The following KIF6 variants were observed in gnomAD, a reference collection of about 807,000 sequenced individuals.
The protein encoded by KIF6 is kinesin family member 6.
KIF6 carries 106 observed loss-of-function variants against 112.7 expected under a neutral mutation model. That is an observed-to-expected ratio of 0.94 (90% CI 0.80 to 1.11). The LOEUF is 1.11. Ranked by LOEUF, KIF6 falls within the 50% of genes least tolerant of loss-of-function variation. KIF6 has a pLI of 0.00. For synonymous variants in KIF6, 339 were observed against 339.9 expected, an observed-to-expected ratio of 1.00 and a Z score of 0.03; for missense variants, 929 against 964.0, an observed-to-expected ratio of 0.96 and a Z score of 0.48.
rs1207344740 is a variant in KIF6, at chr6:39,378,635, G to C, written c.1861+6987C>G. ...ACAACCCCCCAGGGCCACTCCTTCT[G>C]GTAAGAACGGGAAGTTCTCATGGCC... is the stretch of plus-strand genomic sequence containing the variant. On this transcript the variant is annotated intron_variant, in intron 16 of 22. Coordinates refer to ENST00000287152, the MANE Select transcript of KIF6 (RefSeq NM_145027.6). The surrounding 1 kb of genome is among the most constrained non-coding windows in gnomAD (Gnocchi z 5.0). Among the ~76,000 whole-genome samples, 4 of 152,122 alleles carry C rather than the reference G, an allele frequency of 2.6e-5. No homozygotes were observed. The highest frequency in any genetic ancestry group is 9.7e-5 in the African/African-American group (4 of 41,402).
At position 39,610,861 on chromosome 6, in the gene KIF6, T is replaced by C. The variant is rs185977235; in HGVS notation, c.639+2328A>G. ...AAGCACAGAAGCAACCAAAACCTAT[T>C]AGACTTGGTTTTTTAAATAAAACAG... On this transcript the variant is annotated intron_variant, in intron 6 of 22. Coordinates refer to ENST00000287152, the MANE Select transcript of KIF6 (RefSeq NM_145027.6). Among the ~76,000 whole-genome samples the C allele has an allele frequency of 2.4e-3, 361 of 152,296 alleles. 2 individuals are homozygous for C. In the Middle Eastern group the frequency reaches 0.027, roughly 11 times the overall value.
chr6:39,466,328 A>G (rs1773787101), intron 13 of KIF6, among the ~76,000 whole-genome samples: 1 of 152,182 alleles, frequency 6.6e-6, no homozygotes. Flanking sequence ...ATGGTTTCTG[A>G]GCTTCAAGCA....
At chr6:39,490,675 A>G (rs933996737) in intron 13 of KIF6, among the ~76,000 whole-genome samples, 1 of 152,210 alleles carries the variant, frequency 6.6e-6, no homozygotes, top group African/African-American at 2.4e-5. Context: ...TAGGATTAAT[A>G]TGGTGTATTC....
chr6:39,654,890 G>A (rs945169611), intron 3 of KIF6, among the ~76,000 whole-genome samples: 9 of 152,072 alleles, frequency 5.9e-5, no homozygotes, highest in Admixed American at 3.9e-4. Flanking sequence ...TAAATGTATC[G>A]TTTATTTAAC....
chr6:39,369,737 G>T (rs1255093927), intron 16 of KIF6, among the ~76,000 whole-genome samples: 1 of 152,148 alleles, frequency 6.6e-6, no homozygotes, highest in Non-Finnish European at 1.5e-5. Flanking sequence ...AGACCCTAGG[G>T]CCATACACCA....
chr6:39,434,796 C>G (rs372864776), intron 13 of KIF6, among the ~76,000 whole-genome samples: 1 of 151,960 alleles, frequency 6.6e-6, no homozygotes, highest in Non-Finnish European at 1.5e-5. Flanking sequence ...CAGCATTTCC[C>G]AGGTAGAGAA....
rs780284536 is a variant in KIF6 at position 39,545,614 on chromosome 6, C to T, written c.1256G>A (p.Arg419His). The T allele has an allele frequency of 3.3e-5, 54 of 1,612,754 alleles. No individual in the cohort carries two copies. The highest frequency in any genetic ancestry group is 1.4e-4 in the South Asian group (13 of 91,034). The change falls in exon 11 of 23, where the codon CGT becomes CAT. Residue 419 changes from arginine to histidine, a missense_variant. Physicochemically the swap from Arg to His is conservative, Grantham distance 29. This residue lies in a region of KIF6 where 688 missense variants were observed against 662.7 expected (regional missense o/e 1.04). Coordinates refer to ENST00000287152, the MANE Select transcript of KIF6 (RefSeq NM_145027.6). ...ATGATGAAAACAGTGATGAACTTTACGCATATCCGCGCCAACCTCTAATCT... is the reference window on the plus strand; with the variant it reads ...ATGATGAAAACAGTGATGAACTTTATGCATATCCGCGCCAACCTCTAATCT... ...DSRLEVGADM[R>H]KVHHCFHHLK...
chr6:39,404,533 T>C (rs9471091), intron 15 of KIF6, among the ~76,000 whole-genome samples: 1,655 of 152,376 alleles, frequency 0.011, 26 homozygotes, highest in Middle Eastern at 0.02. Context: ...TCTACATATC[T>C]ATTCTTTTGC....
chr6:39,337,394 C>G (rs959683518), intron 22 of KIF6, among the ~76,000 whole-genome samples: 12 of 151,262 alleles, frequency 7.9e-5, no homozygotes, highest in Non-Finnish European at 1.8e-4. Flanking sequence ...CTCACTGCAA[C>G]CTCTGCCTCC....
intron 3 of KIF6, among the ~76,000 whole-genome samples, chr6:39,672,396 ATAC>A (rs1191188331): frequency 6.6e-6 from 1 of 152,218 alleles, no homozygotes; most frequent in East Asian, 1.9e-4. Context: ...GACTTAATGA[ATAC>A]TACTACTAAT....
intron 7 of KIF6, among the ~76,000 whole-genome samples, chr6:39,594,042 C>A (rs542199349): frequency 6.6e-6 from 1 of 152,168 alleles, no homozygotes; most frequent in South Asian, 2.1e-4. Flanking sequence ...CATGGTAGGT[C>A]ATTATAAATA....
At chr6:39,621,814 T>C (rs973962054) in intron 5 of KIF6, among the ~76,000 whole-genome samples, 1 of 152,314 alleles carries the variant, frequency 6.6e-6, no homozygotes, top group South Asian at 2.1e-4. Context: ...AAATTTTTGC[T>C]AATATTTTAG....
chr6:39,473,615 T>C (rs1774261062), intron 13 of KIF6, among the ~76,000 whole-genome samples: 1 of 152,196 alleles, frequency 6.6e-6, no homozygotes, highest in Non-Finnish European at 1.5e-5. Flanking sequence ...TTCTCAAACT[T>C]GGTTAGAATG....
intron 16 of KIF6, among the ~76,000 whole-genome samples, chr6:39,365,180 A>G (rs1452442618): frequency 6.6e-6 from 1 of 152,174 alleles, no homozygotes; most frequent in African/African-American, 2.4e-5. Context: ...CTGGATCACG[A>G]TTCTGTCTGT....
intron 7 of KIF6, among the ~76,000 whole-genome samples, chr6:39,587,678 G>T (rs999253454): frequency 1.7e-4 from 26 of 151,818 alleles, no homozygotes; most frequent in East Asian, 3.9e-4. Flanking sequence ...CCCTGACCAG[G>T]ACTATCTCAT....
intron 15 of KIF6, among the ~76,000 whole-genome samples, chr6:39,414,925 A>G (rs1204361515): frequency 1.3e-5 from 2 of 150,906 alleles, no homozygotes; most frequent in Non-Finnish European, 3.0e-5. Context: ...GTGGTGGCTC[A>G]TGCCTGTAAT....
At chr6:39,629,303 A>T (rs1375599254) in intron 5 of KIF6, among the ~76,000 whole-genome samples, 1 of 152,118 alleles carries the variant, frequency 6.6e-6, no homozygotes, top group African/African-American at 2.4e-5. Flanking sequence ...AATGAATAAG[A>T]GTTCCTGTTG....
Position 39,360,387 on chromosome 6 carries a change from G to C in KIF6, c.2082+8C>G. 6.2e-7 allele frequency: 1 copy of C among 1,614,010 alleles called. No homozygotes were observed. Among genetic ancestry groups the C allele is most frequent in the Non-Finnish European group, 8.5e-7 (1 of 1,179,998 alleles). ...TCCCCAGCTTCCCTGATGTTCCCCA[G>C]GCCATACCTGCAGGTTGGTGGCCTC... is the stretch of plus-strand genomic sequence containing the variant. On this transcript the variant is annotated splice_region_variant and intron_variant, in intron 18 of 22. Transcript: ENST00000287152.
intron 3 of KIF6, among the ~76,000 whole-genome samples, chr6:39,678,477 C>G (rs1236387834): frequency 6.6e-6 from 1 of 152,168 alleles, no homozygotes; most frequent in Non-Finnish European, 1.5e-5. Context: ...GCTTTTCTTT[C>G]TTTCAAAACT....
Sources: gnomAD v4.1 joint callset for allele counts (sites outside exome capture counted in the v4.1 genomes callset) on GRCh38, gnomAD v4.1.1 for gene constraint, gnomAD v4.1.1 regional missense constraint, Gnocchi (gnomAD v3.1) non-coding constraint, MANE v1.5 for transcripts, NCBI Gene and HGNC (gene_info 2026-07-23, HGNC 2026-07-21) for gene names.